SLC31A2: variants seen among roughly 807,000 people sequenced by gnomAD.
SLC31A2 encodes the protein solute carrier family 31 member 2.
Under a neutral mutation model 14.4 loss-of-function variants are expected in SLC31A2, and 16 were observed. The observed-to-expected ratio is 1.11, with a 90% CI of 0.75 to 1.69. The LOEUF (loss-of-function observed/expected upper bound fraction) is 1.69. Among genes scored for constraint, SLC31A2 ranks in the 40% most tolerant of loss-of-function variants. The pLI is 0.00. For synonymous variants in SLC31A2, 56 were observed against 68.7 expected (o/e 0.82, Z 0.91); for missense variants, 140 against 173.9 (o/e 0.81, Z 1.10).
At chr9:113,158,890 G>T (rs1322024856) in intron 2 of SLC31A2, among the ~76,000 whole-genome samples, 1 of 152,152 alleles carries the variant, frequency 6.6e-6, no homozygotes, top group Non-Finnish European at 1.5e-5. Context: ...GGGGATGTGG[G>T]GTGGGATACA....
rs1128786 is a variant in SLC31A2 at position 113,163,983 on chromosome 9, C to G, written c.*1066C>G. 0.32 allele frequency: 48,103 copies of G among 152,382 alleles called. 7,750 individuals carry two copies. Among genetic ancestry groups the G allele is most frequent in the Non-Finnish European group, 0.33 (22,667 of 67,966 alleles). 9.4% of individuals were successfully genotyped at this position (152,382 alleles called of 1,614,324 possible). On this transcript the variant is annotated 3_prime_UTR_variant, in exon 4 of 4. Transcript: ENST00000259392. ...TACATTTTTTGAGTTAGATGGGACT[C>G]TCTGGATAGTTGAACCTCTTCACTT...
chr9:113,151,387 G>GGCCCCCGGCCCCGGACCTCTGGCCGGC lies in SLC31A2; in HGVS notation c.6+313_6+339dup, dbSNP rs547638633. On this transcript the variant is annotated intron_variant, in intron 1 of 3. Coordinates refer to ENST00000259392, the MANE Select transcript of SLC31A2 (RefSeq NM_001860.3). The surrounding 1 kb of genome is among the most constrained non-coding windows in gnomAD (Gnocchi z 4.2). ...GGTGGCTGAAGACAGCTGGGTCCGG[G>GGCCCCCGGCCCCGGACCTCTGGCCGGC]GCCCCCGGCCCCGGACCTCTGGCCG... 4.6e-5 allele frequency among the ~76,000 whole-genome samples: 7 copies of GGCCCCCGGCCCCGGACCTCTGGCCGGC among 151,906 alleles called. No homozygotes were observed. Among genetic ancestry groups the GGCCCCCGGCCCCGGACCTCTGGCCGGC allele is most frequent in the Non-Finnish European group, 4.4e-5 (3 of 67,954 alleles).
Position 113,161,744 on chromosome 9 carries a change from CCT to C in SLC31A2, c.263+47_263+48del, listed in dbSNP as rs774588092. 17 of 1,593,874 alleles carry C rather than the reference CCT, an allele frequency of 1.1e-5. 1 individual carries two copies. In the South Asian group the frequency reaches 1.9e-4, roughly 18 times the overall value. ...AAAGGGGCAGAAGCCTCACATTCAC[CCT>C]GAGAGACAGGCTGGCCCAGACAGCA... On this transcript the variant is annotated intron_variant, in intron 3 of 3. Transcript: ENST00000259392.
chr9:113,153,655 C>T (rs1172496456), intron 1 of SLC31A2, among the ~76,000 whole-genome samples: 1 of 152,194 alleles, frequency 6.6e-6, no homozygotes, highest in Non-Finnish European at 1.5e-5. Flanking sequence ...GGAAGGTGAA[C>T]GTGGTACAGG....
intron 1 of SLC31A2, chr9:113,156,136 CCA>C (rs995346950): frequency 1.2e-5 from 6 of 518,182 alleles, no homozygotes; most frequent in African/African-American, 1.2e-4. Context: ...CTTTCCACCC[CCA>C]CACTGACGTT....
intron 1 of SLC31A2, among the ~76,000 whole-genome samples, chr9:113,153,054 A>G (rs191720319): frequency 9.5e-4 from 145 of 152,006 alleles, no homozygotes; most frequent in African/African-American, 2.9e-3. Flanking sequence ...GGAGTTTCAC[A>G]GTATTGTTTG....
At chr9:113,160,173 G>A (rs376731678) in intron 2 of SLC31A2, among the ~76,000 whole-genome samples, 43 of 152,162 alleles carry the variant, frequency 2.8e-4, no homozygotes, top group African/African-American at 1.0e-3. Flanking sequence ...CTGCACTCCA[G>A]CCTGGGCAAC....
At chr9:113,152,625 C>T (rs572528602) in intron 1 of SLC31A2, among the ~76,000 whole-genome samples, 1 of 152,350 alleles carries the variant, frequency 6.6e-6, no homozygotes, top group Non-Finnish European at 1.5e-5. Flanking sequence ...TTTCTCTGAC[C>T]TACAACCTGT....
chr9:113,151,043 C>A lies in SLC31A2; in HGVS notation c.-32C>A. ...GAGCGAGGAGACCCGAGCGAGCAGA[C>A]GCGGCCCTGGCGCCCGCCCTGCGCA... On this transcript the variant is annotated 5_prime_UTR_variant, in exon 1 of 4. Transcript: ENST00000259392. This position sits in a 1 kb window ranked among gnomAD's most constrained non-coding sequence, Gnocchi z 4.2. 2 of 1,303,778 alleles carry A rather than the reference C, an allele frequency of 1.5e-6. No individual in the cohort carries two copies. The highest frequency in any genetic ancestry group is 2.0e-6 in the Non-Finnish European group (2 of 1,020,086). 80.8% of individuals were successfully genotyped at this position (1,303,778 alleles called of 1,614,324 possible).
intron 3 of SLC31A2, chr9:113,162,378 C>G (rs2118839654): frequency 4.7e-6 from 1 of 215,016 alleles, no homozygotes; most frequent in East Asian, 1.6e-4. Context: ...CACCTAAGAC[C>G]ATGCTTTTTC....
At position 113,163,092 on chromosome 9, in the gene SLC31A2, A is replaced by AACC; in HGVS notation, c.*176_*178dup. The AACC allele has an allele frequency of 1.8e-6, 1 of 566,210 alleles. No individual in the cohort carries two copies. The highest frequency in any genetic ancestry group is 4.8e-4 in the Middle Eastern group (1 of 2,072). 35.1% of individuals were successfully genotyped at this position (566,210 alleles called of 1,614,324 possible). On this transcript the variant is annotated 3_prime_UTR_variant, in exon 4 of 4. Transcript: ENST00000259392. ...CCTGGAGTTCGGAAGCCATTGCAGC[A>AACC]ACCTTCCTTCTCAGCCAGCCTACGT...
rs1370313633 is a variant in SLC31A2, at chr9:113,155,369, G to C, written c.7-2358G>C. 3.9e-5 allele frequency among the ~76,000 whole-genome samples: 6 copies of C among 152,198 alleles called. 1 individual carries two copies. Among genetic ancestry groups the C allele is most frequent in the African/African-American group, 1.4e-4 (6 of 41,446 alleles). On this transcript the variant is annotated intron_variant, in intron 1 of 3. Coordinates refer to ENST00000259392, the MANE Select transcript of SLC31A2 (RefSeq NM_001860.3). ...CAACTTGGCAAGTTACTTAAACTCT[G>C]TCTGCCTTAGTAGTCTCATCTATGA...
In SLC31A2 at chr9:113,163,652, G is replaced by A. The variant is rs923936117; in HGVS notation, c.*735G>A. ...GGCAGAGACACAGGACTGCTTTCAG[G>A]CTCCTGGTTTATTCTCTGATAGACT... On this transcript the variant is annotated 3_prime_UTR_variant, in exon 4 of 4. Coordinates refer to ENST00000259392, the MANE Select transcript of SLC31A2 (RefSeq NM_001860.3). 1 of 150,640 alleles carries A rather than the reference G, an allele frequency of 6.6e-6. No homozygotes were observed. Among genetic ancestry groups the A allele is most frequent in the Non-Finnish European group, 1.5e-5 (1 of 67,178 alleles). The allele number at this position is 150,640 out of a possible 1,614,324, so 9.3% of individuals were successfully genotyped here. A position where few individuals can be genotyped will look rare whatever the true frequency, so the allele number is the denominator to read the frequency against.
intron 2 of SLC31A2, among the ~76,000 whole-genome samples, chr9:113,160,508 CTAT>C (rs1392463668): frequency 6.6e-6 from 1 of 152,154 alleles, no homozygotes; most frequent in Non-Finnish European, 1.5e-5. Flanking sequence ...CATTACAATT[CTAT>C]TTTGAAATAT....
In SLC31A2 at chr9:113,151,162, T is replaced by A. The variant is rs923790733; in HGVS notation, c.6+82T>A. ...GCTGCCATCTCGGCACCCCGAATCC[T>A]CGCTGCCGCTGGCCCGGGGCTGGTG... On this transcript the variant is annotated intron_variant, in intron 1 of 3. Transcript: ENST00000259392. The surrounding 1 kb of genome is among the most constrained non-coding windows in gnomAD (Gnocchi z 4.2). 5 of 1,240,858 alleles carry A rather than the reference T, an allele frequency of 4.0e-6. No homozygotes were observed. Among genetic ancestry groups the A allele is most frequent in the African/African-American group, 1.5e-5 (1 of 64,812 alleles). 76.9% of individuals were successfully genotyped at this position (1,240,858 alleles called of 1,614,324 possible).
chr9:113,157,502 T>C (rs3934969), intron 1 of SLC31A2, among the ~76,000 whole-genome samples: 45,772 of 151,998 alleles, frequency 0.3, 7,117 homozygotes, highest in Non-Finnish European at 0.33. Context: ...CACACCTCTA[T>C]TCTCATATGG....
chr9:113,151,079 C>T lies in SLC31A2; in HGVS notation c.5C>T (p.Ala2Val). 2 of 1,306,914 alleles carry T rather than the reference C, an allele frequency of 1.5e-6. No homozygotes were observed. Among genetic ancestry groups the T allele is most frequent in the Non-Finnish European group, 9.8e-7 (1 of 1,019,986 alleles). The allele number at this position is 1,306,914 out of a possible 1,614,324, so 81.0% of individuals were successfully genotyped here. A position where few individuals can be genotyped will look rare whatever the true frequency, so the allele number is the denominator to read the frequency against. The change falls in exon 1 of 4, where the codon GCG (alanine) becomes GTG (valine). Residue 2 changes from alanine to valine, a missense_variant and splice_region_variant. Ala to Val is a moderately conservative substitution (Grantham distance 64). Coordinates refer to ENST00000259392, the MANE Select transcript of SLC31A2 (RefSeq NM_001860.3). This position sits in a 1 kb window ranked among gnomAD's most constrained non-coding sequence, Gnocchi z 4.2. M[A>V]MHFIFSDTAV... ...CGCCCGCCCTGCGCACTCACCATGG[C>T]GGTAAGGGCCGGGCGCTACGGTGAA...
At chr9:113,155,503 C>T (rs4263842) in intron 1 of SLC31A2, among the ~76,000 whole-genome samples, 96,803 of 151,814 alleles carry the variant, frequency 0.64, 31,114 homozygotes, top group South Asian at 0.73. Flanking sequence ...TCCCTCCCAG[C>T]ATGAAAAAAG....
At position 113,151,135 on chromosome 9, in the gene SLC31A2, G is replaced by C; in HGVS notation, c.6+55G>C. 7.8e-7 allele frequency: 1 copy of C among 1,283,236 alleles called. No individual in the cohort carries two copies. The highest frequency in any genetic ancestry group is 3.5e-5 in the Admixed American group (1 of 28,524). The allele number at this position is 1,283,236 out of a possible 1,614,324, so 79.5% of individuals were successfully genotyped here. On this transcript the variant is annotated intron_variant, in intron 1 of 3. Coordinates refer to ENST00000259392, the MANE Select transcript of SLC31A2 (RefSeq NM_001860.3). The surrounding 1 kb of genome is among the most constrained non-coding windows in gnomAD (Gnocchi z 4.2). ...TGGGCGGTTGGGGCGGGGTCTCCTG[G>C]AGCTGCCATCTCGGCACCCCGAATC...
Sources: gnomAD v4.1 joint callset for allele counts (sites outside exome capture counted in the v4.1 genomes callset) on GRCh38, gnomAD v4.1.1 for gene constraint, Gnocchi (gnomAD v3.1) non-coding constraint, MANE v1.5 for transcripts, NCBI Gene and HGNC (gene_info 2026-07-23, HGNC 2026-07-21) for gene names.